STK24: variants seen among roughly 807,000 people sequenced by gnomAD.
STK24 encodes the protein serine/threonine-protein kinase 24.
A neutral mutation model predicts 55.6 loss-of-function variants in STK24; 21 were observed. That is an observed-to-expected ratio of 0.38 (90% CI 0.27 to 0.54). STK24 has a LOEUF of 0.54. STK24 is among the 20% of genes least tolerant of loss of function. The pLI is 0.79. For missense variants in STK24, 383 were observed against 538.4 expected (o/e 0.71, Z 2.86); for synonymous variants, 200 against 215.2 (o/e 0.93, Z 0.62).
At chr13:98,557,053 G>A (rs1566403903) in intron 1 of STK24, among the ~76,000 whole-genome samples, 2 of 152,178 alleles carry the variant, frequency 1.3e-5, no homozygotes, top group East Asian at 3.9e-4. Flanking sequence ...CTGCTGCCGT[G>A]TGGACACTCT....
chr13:98,525,081 C>T (rs187967252), intron 1 of STK24, among the ~76,000 whole-genome samples: 12 of 152,350 alleles, frequency 7.9e-5, no homozygotes, highest in Non-Finnish European at 1.5e-4. Context: ...AATTCTTGCA[C>T]GGGTTCATTA....
At chr13:98,461,513 G>A (rs1457943231) in intron 8 of STK24, among the ~76,000 whole-genome samples, 6 of 152,100 alleles carry the variant, frequency 3.9e-5, no homozygotes, top group South Asian at 2.1e-4. Context: ...TTGCCACATC[G>A]GGACATCCTA....
intron 1 of STK24, among the ~76,000 whole-genome samples, chr13:98,531,042 A>T (rs907140351): frequency 6.6e-6 from 1 of 152,238 alleles, no homozygotes; most frequent in Admixed American, 6.5e-5. Context: ...CTAAGTAAGA[A>T]ATCCTAAAGC....
intron 9 of STK24, 123 bp from the exon 10 acceptor site, chr13:98,457,427 G>GA (rs2139243803): frequency 7.1e-7 from 1 of 1,401,108 alleles, no homozygotes; most frequent in East Asian, 2.3e-5. Context: ...GGGTGTCCGG[G>GA]AAAAGCTTTG....
intron 2 of STK24, among the ~76,000 whole-genome samples, chr13:98,485,953 C>G (rs1894789131): frequency 6.6e-6 from 1 of 152,142 alleles, no homozygotes; most frequent in Non-Finnish European, 1.5e-5. Context: ...ACTAAGACAG[C>G]AGCTTTCCCC....
At chr13:98,532,008 G>A (rs1484187765) in intron 1 of STK24, among the ~76,000 whole-genome samples, 1 of 152,170 alleles carries the variant, frequency 6.6e-6, no homozygotes, top group Non-Finnish European at 1.5e-5. Context: ...ACAGCTCGAT[G>A]TCCCAGCTTC....
At chr13:98,569,756 G>C in intron 1 of STK24, among the ~76,000 whole-genome samples, 1 of 151,784 alleles carries the variant, frequency 6.6e-6, no homozygotes, top group East Asian at 1.9e-4. Flanking sequence ...TCTGCTGGGG[G>C]AGAGCGGGGA....
intron 2 of STK24, among the ~76,000 whole-genome samples, chr13:98,504,023 G>T (rs1895590569): frequency 6.6e-6 from 1 of 152,166 alleles, no homozygotes; most frequent in African/African-American, 2.4e-5. Context: ...TGAAGTCTAT[G>T]GAGAAGACAG....
At chr13:98,546,852 C>T (rs924792927) in intron 1 of STK24, among the ~76,000 whole-genome samples, 69 of 152,170 alleles carry the variant, frequency 4.5e-4, no homozygotes, top group Non-Finnish European at 9.6e-4. Context: ...ACCTGAATCT[C>T]TGAGGCCCTG....
chr13:98,554,218 C>T (rs530215667), intron 1 of STK24, among the ~76,000 whole-genome samples: 9 of 152,190 alleles, frequency 5.9e-5, no homozygotes, highest in Admixed American at 2.6e-4. Context: ...AAATACAAGG[C>T]TGTGAAAAAA....
intron 2 of STK24, among the ~76,000 whole-genome samples, chr13:98,491,821 A>G (rs1472879345): frequency 6.6e-6 from 1 of 152,214 alleles, no homozygotes; most frequent in East Asian, 1.9e-4. Flanking sequence ...TTTTTAAAAT[A>G]GATAACTTCC....
intron 3 of STK24, among the ~76,000 whole-genome samples, chr13:98,480,596 C>T (rs1894544936): frequency 6.6e-6 from 1 of 152,004 alleles, no homozygotes; most frequent in Non-Finnish European, 1.5e-5. Flanking sequence ...CTTTTTAATA[C>T]CATTTTTATC....
chr13:98,521,890 C>G (rs769878029), intron 1 of STK24: 2 of 883,368 alleles, frequency 2.3e-6, no homozygotes, highest in African/African-American at 3.3e-5. Context: ...TCAGTAACCC[C>G]CTTCTCGCTC....
chr13:98,544,634 C>G (rs1244651430), intron 1 of STK24, among the ~76,000 whole-genome samples: 1 of 152,234 alleles, frequency 6.6e-6, no homozygotes, highest in Non-Finnish European at 1.5e-5. Context: ...GGCAGGTCCC[C>G]TCCTAAGCCA....
chr13:98,457,225 T>G lies in STK24; in HGVS notation c.1202A>C (p.Glu401Ala), dbSNP rs779740713. The G allele has an allele frequency of 6.2e-7, 1 of 1,613,162 alleles. No homozygotes were observed. The highest frequency in any genetic ancestry group is 1.1e-5 in the South Asian group (1 of 91,024). The change falls in exon 10 of 11, where the codon GAG (glutamate) becomes GCG (alanine). Residue 401 changes from glutamate to alanine, a missense_variant. Transcript: ENST00000539966. ...GGTGTCGGAGATGCCAGGGCACGCC[T>G]CCTCCGCTAGGTAGATGGCCCCTCG... ...ELRGAIYLAE[E>A]ACPGISDTMV...
At chr13:98,554,630 G>C (rs913895393) in intron 1 of STK24, among the ~76,000 whole-genome samples, 3 of 152,178 alleles carry the variant, frequency 2.0e-5, no homozygotes, top group African/African-American at 7.2e-5. Context: ...GTGAAGACCA[G>C]CCTGAGCAAG....
chr13:98,487,463 A>G (rs1894851409), intron 2 of STK24, among the ~76,000 whole-genome samples: 1 of 152,242 alleles, frequency 6.6e-6, no homozygotes, highest in Non-Finnish European at 1.5e-5. Flanking sequence ...ATATACAGTG[A>G]GAAGTCTCCC....
intron 9 of STK24, among the ~76,000 whole-genome samples, chr13:98,457,740 G>T (rs897012470): frequency 6.6e-6 from 1 of 152,182 alleles, no homozygotes; most frequent in Non-Finnish European, 1.5e-5. Context: ...AAAGTGTTGG[G>T]ATTACAGGCG....
intron 2 of STK24, among the ~76,000 whole-genome samples, chr13:98,503,874 G>C (rs1826835688): frequency 6.6e-6 from 1 of 152,206 alleles, no homozygotes; most frequent in Admixed American, 6.5e-5. Flanking sequence ...ACTGACCACA[G>C]CAACCAGCCA....
Sources: gnomAD v4.1 joint callset for allele counts (sites outside exome capture counted in the v4.1 genomes callset) on GRCh38, gnomAD v4.1.1 for gene constraint, MANE v1.5 for transcripts, NCBI Gene and HGNC (gene_info 2026-07-23, HGNC 2026-07-21) for gene names.